The following MAGI2 variants were observed in gnomAD, a reference collection of about 807,000 sequenced individuals.
The protein encoded by MAGI2 is membrane-associated guanylate kinase, WW and PDZ domain-containing protein 2.
Under a neutral mutation model 133.3 loss-of-function variants are expected in MAGI2, and 35 were observed. That is an observed-to-expected ratio of 0.26 (90% confidence interval 0.20 to 0.35). The LOEUF (loss-of-function observed/expected upper bound fraction) is 0.35, where lower values mean the gene tolerates loss of function less well. Among genes scored for constraint, MAGI2 ranks in the 10% least tolerant of loss-of-function variants. MAGI2 has a pLI of 1.00. For synonymous variants in MAGI2, 729 were observed against 710.6 expected, an observed-to-expected ratio of 1.03 and a Z score of -0.41; for missense variants, 1,636 against 1,863.4, an observed-to-expected ratio of 0.88 and a Z score of 2.25.
At chr7:79,043,208 C>A (rs1203440851) in intron 1 of MAGI2, among the ~76,000 whole-genome samples, 1 of 150,974 alleles carries the variant, frequency 6.6e-6, no homozygotes, top group Non-Finnish European at 1.5e-5. Context: ...CCAAAGCAAG[C>A]AGAAAAAAAG....
chr7:78,216,068 G>C (rs1788244856), intron 10 of MAGI2, among the ~76,000 whole-genome samples: 1 of 152,206 alleles, frequency 6.6e-6, no homozygotes, highest in Admixed American at 6.5e-5. Context: ...AAATGTAAGA[G>C]TGTCAATACC....
intron 20 of MAGI2, among the ~76,000 whole-genome samples, chr7:78,099,961 C>G (rs1397527731): frequency 1.3e-5 from 2 of 152,164 alleles, no homozygotes; most frequent in Non-Finnish European, 2.9e-5. Context: ...AAAAATGAGT[C>G]ACTGATTCTT....
chr7:78,905,562 A>C (rs1797932645), intron 2 of MAGI2, among the ~76,000 whole-genome samples: 1 of 152,200 alleles, frequency 6.6e-6, no homozygotes, highest in Admixed American at 6.5e-5. Context: ...ATGCATTCAC[A>C]CATGTTGTTT....
chr7:78,139,515 C>G (rs1169962486), intron 16 of MAGI2, among the ~76,000 whole-genome samples: 1 of 152,196 alleles, frequency 6.6e-6, no homozygotes, highest in Non-Finnish European at 1.5e-5. Flanking sequence ...GAGGCCCTGA[C>G]CTTGGTTTCT....
chr7:79,169,651 T>A (rs1055384984), intron 1 of MAGI2, among the ~76,000 whole-genome samples: 7 of 121,620 alleles, frequency 5.8e-5, no homozygotes, highest in Non-Finnish European at 1.3e-4. Flanking sequence ...CTTATTTTCA[T>A]ATTTTATTAT....
intron 6 of MAGI2, among the ~76,000 whole-genome samples, chr7:78,372,449 T>C (rs76353646): frequency 0.054 from 8,205 of 152,270 alleles, 324 homozygotes; most frequent in South Asian, 0.095. Context: ...AGCATGTAGC[T>C]TGGAGCTTTT....
intron 6 of MAGI2, among the ~76,000 whole-genome samples, chr7:78,383,008 CT>C (rs1795066394): frequency 6.6e-6 from 1 of 152,032 alleles, no homozygotes; most frequent in Non-Finnish European, 1.5e-5. Flanking sequence ...ATCAGTTCAT[CT>C]GTTAATGAAC....
At chr7:78,519,886 C>T (rs948376930) in intron 4 of MAGI2, among the ~76,000 whole-genome samples, 2 of 152,196 alleles carry the variant, frequency 1.3e-5, no homozygotes, top group Admixed American at 6.5e-5. Flanking sequence ...GTTATTGCTT[C>T]AACCCAGCTG....
chr7:78,437,508 A>C (rs1800412311), intron 6 of MAGI2, among the ~76,000 whole-genome samples: 1 of 152,188 alleles, frequency 6.6e-6, no homozygotes, highest in Non-Finnish European at 1.5e-5. Flanking sequence ...TTCCACTCAC[A>C]TGCAGGAAAT....
intron 1 of MAGI2, among the ~76,000 whole-genome samples, chr7:79,228,186 A>C (rs1831020265): frequency 6.6e-6 from 1 of 151,340 alleles, no homozygotes. Flanking sequence ...TCTAGAAAAA[A>C]ATTAAAAATT....
intron 2 of MAGI2, among the ~76,000 whole-genome samples, chr7:78,864,495 G>T (rs1794397153): frequency 6.6e-6 from 1 of 152,150 alleles, no homozygotes; most frequent in African/African-American, 2.4e-5. Flanking sequence ...GGGTTAAATT[G>T]CTGCTGTGAG....
chr7:78,424,592 C>G (rs1799111601), intron 6 of MAGI2, among the ~76,000 whole-genome samples: 1 of 152,136 alleles, frequency 6.6e-6, no homozygotes, highest in Admixed American at 6.5e-5. Flanking sequence ...TCAACACCAG[C>G]CCATTAAAGC....
chr7:78,301,173 G>T (rs568649089), intron 9 of MAGI2, among the ~76,000 whole-genome samples: 1 of 152,250 alleles, frequency 6.6e-6, no homozygotes, highest in South Asian at 2.1e-4. Flanking sequence ...AACATCCCTA[G>T]ACTATGGAAT....
intron 2 of MAGI2, among the ~76,000 whole-genome samples, chr7:78,901,987 C>G (rs1260850848): frequency 6.6e-6 from 1 of 152,068 alleles, no homozygotes; most frequent in Admixed American, 6.6e-5. Flanking sequence ...ATGAAATGAT[C>G]TAACCAAATT....
At chr7:78,899,025 C>G (rs183176523) in intron 2 of MAGI2, among the ~76,000 whole-genome samples, 3 of 152,068 alleles carry the variant, frequency 2.0e-5, no homozygotes, top group Admixed American at 6.6e-5. Context: ...TTAGGAAACA[C>G]TATTAATTAG....
chr7:78,660,710 C>T (rs940471199), intron 2 of MAGI2, among the ~76,000 whole-genome samples: 1 of 152,124 alleles, frequency 6.6e-6, no homozygotes, highest in Non-Finnish European at 1.5e-5. Context: ...TATCTTTTTA[C>T]TTAGAACATT....
chr7:78,120,613 C>G (rs545502566), intron 20 of MAGI2, among the ~76,000 whole-genome samples: 161 of 152,168 alleles, frequency 1.1e-3, no homozygotes, highest in African/African-American at 3.7e-3. Flanking sequence ...TATAAAGAAT[C>G]CATATACAGA....
chr7:78,754,409 A>ATAAATAAC (rs1188062215), intron 2 of MAGI2, among the ~76,000 whole-genome samples: 12 of 151,674 alleles, frequency 7.9e-5, no homozygotes, highest in African/African-American at 2.7e-4. Context: ...AAATAAATAA[A>ATAAATAAC]TGCTGAAAGT....
chr7:78,371,234 T>G (rs1793874110), intron 6 of MAGI2, among the ~76,000 whole-genome samples: 1 of 151,960 alleles, frequency 6.6e-6, no homozygotes, highest in Non-Finnish European at 1.5e-5. Context: ...ATCTATTGAG[T>G]GCCTTTTATA....
Sources: allele counts gnomAD v4.1 joint callset (sites outside exome capture counted in the v4.1 genomes callset), GRCh38; gene constraint gnomAD v4.1.1; transcripts MANE v1.5; gene names NCBI Gene and HGNC (gene_info 2026-07-23, HGNC 2026-07-21).